Variants in CACNA2D3 observed in about 807,000 individuals in gnomAD.
The protein encoded by CACNA2D3 is calcium voltage-gated channel auxiliary subunit alpha2delta 3, also known as voltage-dependent calcium channel subunit alpha-2/delta-3.
CACNA2D3 carries 60 observed loss-of-function variants against 160.6 expected under a neutral mutation model. That is an observed-to-expected ratio of 0.37 (90% CI 0.30 to 0.46). The LOEUF (loss-of-function observed/expected upper bound fraction) is 0.46, where lower values mean the gene tolerates loss of function less well. CACNA2D3 is among the 20% of genes least tolerant of loss of function. The pLI is 1.00. For synonymous variants in CACNA2D3, 558 were observed against 492.9 expected (o/e 1.13, Z -1.75); for missense variants, 1,205 against 1,365.0 (o/e 0.88, Z 1.85).
At chr3:54,850,162 C>G (rs958271041) in intron 17 of CACNA2D3, among the ~76,000 whole-genome samples, 6 of 152,144 alleles carry the variant, frequency 3.9e-5, no homozygotes, top group African/African-American at 9.7e-5. Context: ...TTGTGACTTC[C>G]TGATAGATTA....
chr3:54,503,674 C>T lies in CACNA2D3; in HGVS notation c.544+20C>T, dbSNP rs367786226. On this transcript the variant is annotated intron_variant, in intron 5 of 37. Coordinates refer to ENST00000474759, the MANE Select transcript of CACNA2D3 (RefSeq NM_018398.3). ...ACAAAGGTAAGACTCCCAGCCACTG[C>T]TCCTTTTAGAAGGTGAAGAATCAGG... 3.4e-5 allele frequency: 55 copies of T among 1,609,460 alleles called. No individual in the cohort carries two copies. The East Asian group carries it at 8.7e-4, about 25-fold the overall frequency.
At chr3:54,736,118 T>G (rs1463260830) in intron 11 of CACNA2D3, among the ~76,000 whole-genome samples, 1 of 66,970 alleles carries the variant, frequency 1.5e-5, no homozygotes, top group Admixed American at 1.8e-4. Context: ...TGTATATATA[T>G]ACATATATAT....
At chr3:54,426,371 A>G (rs995000521) in intron 4 of CACNA2D3, among the ~76,000 whole-genome samples, 5 of 152,144 alleles carry the variant, frequency 3.3e-5, no homozygotes, top group African/African-American at 9.7e-5. Context: ...CACTTTAGAG[A>G]TGTGTCATAA....
chr3:54,143,067 T>A (rs537056582), intron 2 of CACNA2D3, among the ~76,000 whole-genome samples: 2 of 152,338 alleles, frequency 1.3e-5, no homozygotes, highest in East Asian at 3.9e-4. Flanking sequence ...GCTCCAGAAT[T>A]TGTTCCCATC....
At chr3:54,583,748 A>G (rs1702715956) in intron 9 of CACNA2D3, among the ~76,000 whole-genome samples, 1 of 152,144 alleles carries the variant, frequency 6.6e-6, no homozygotes, top group African/African-American at 2.4e-5. Flanking sequence ...AGTATGCCTA[A>G]TCTGTATAAG....
chr3:55,009,592 G>T, intron 34 of CACNA2D3, 149 bp downstream of exon 34: 1 of 700,394 alleles, frequency 1.4e-6, no homozygotes, highest in East Asian at 2.7e-5. Flanking sequence ...GCCAGCCTTT[G>T]TGCTAAGTGC....
At chr3:54,506,451 A>G (rs565351759) in intron 5 of CACNA2D3, among the ~76,000 whole-genome samples, 1 of 152,298 alleles carries the variant, frequency 6.6e-6, no homozygotes, top group South Asian at 2.1e-4. Context: ...TTTTAGTTCT[A>G]GATGAAACTA....
intron 2 of CACNA2D3, among the ~76,000 whole-genome samples, chr3:54,217,869 A>C (rs1701489809): frequency 7.2e-6 from 1 of 137,956 alleles, no homozygotes; most frequent in East Asian, 2.4e-4. Context: ...AGACAGAGAG[A>C]GACAGAGAGA....
chr3:54,921,594 T>G (rs1700852735), intron 27 of CACNA2D3, among the ~76,000 whole-genome samples: 1 of 152,180 alleles, frequency 6.6e-6, no homozygotes, highest in Non-Finnish European at 1.5e-5. Context: ...TGTGATTGAA[T>G]TCTGGACAAT....
rs146253243 is a variant in CACNA2D3, at chr3:54,235,070, A to T, written c.205-85372A>T. ...TGGTTTCTAATACCATTTCCCTATAAAAGGAACCAAGACTACTTGGAGAAA... is the reference window on the plus strand; with the variant it reads ...TGGTTTCTAATACCATTTCCCTATATAAGGAACCAAGACTACTTGGAGAAA... On this transcript the variant is annotated intron_variant, in intron 2 of 37. Transcript: ENST00000474759. 3.5e-3 allele frequency among the ~76,000 whole-genome samples: 527 copies of T among 152,252 alleles called. 2 individuals are homozygous for T. The highest frequency in any genetic ancestry group is 0.01 in the Middle Eastern group (3 of 294).
At chr3:55,002,436 C>T (rs919105035) in intron 31 of CACNA2D3, among the ~76,000 whole-genome samples, 3 of 152,186 alleles carry the variant, frequency 2.0e-5, no homozygotes, top group African/African-American at 4.8e-5. Flanking sequence ...GGTGGCCTGG[C>T]GGGCCAGTCA....
intron 2 of CACNA2D3, among the ~76,000 whole-genome samples, chr3:54,131,682 C>T (rs143432279): frequency 1.3e-5 from 2 of 152,228 alleles, no homozygotes; most frequent in East Asian, 3.9e-4. Flanking sequence ...AAAATTAAGG[C>T]AGTGTATGTT....
chr3:54,569,208 A>C (rs1026256685), intron 6 of CACNA2D3, among the ~76,000 whole-genome samples: 1 of 152,238 alleles, frequency 6.6e-6, no homozygotes, highest in South Asian at 2.1e-4. Context: ...CCCAGGCTTC[A>C]GGAGCTGAAA....
intron 13 of CACNA2D3, among the ~76,000 whole-genome samples, chr3:54,792,943 T>C (rs1371403560): frequency 1.3e-5 from 2 of 152,176 alleles, no homozygotes; most frequent in East Asian, 3.9e-4. Context: ...ACAGATTCAG[T>C]GCAGGCAAAA....
At chr3:54,777,425 C>T (rs1702445203) in intron 13 of CACNA2D3, among the ~76,000 whole-genome samples, 1 of 152,172 alleles carries the variant, frequency 6.6e-6, no homozygotes, top group Admixed American at 6.5e-5. Flanking sequence ...CTAAGTCTAT[C>T]TCTCAGTGCA....
intron 34 of CACNA2D3, among the ~76,000 whole-genome samples, chr3:55,015,156 A>G (rs1435535043): frequency 2.6e-5 from 4 of 152,324 alleles, no homozygotes; most frequent in South Asian, 4.1e-4. Flanking sequence ...GGCTTATTCA[A>G]ATCACGTGTG....
intron 9 of CACNA2D3, among the ~76,000 whole-genome samples, chr3:54,604,154 G>A (rs565184335): frequency 6.6e-6 from 1 of 152,080 alleles, no homozygotes; most frequent in South Asian, 2.1e-4. Flanking sequence ...TTTAACTTTT[G>A]CCCACATGTA....
In CACNA2D3 at chr3:54,670,239, T is replaced by A. The variant is rs140999249; in HGVS notation, c.1167+27998T>A. On this transcript the variant is annotated intron_variant, in intron 11 of 37. Transcript: ENST00000474759. ...CCACCCAAAAGGTGACTGCCACAGA[T>A]TGTGAAGTTGGCAGGATTTTCCAGG... 5.6e-3 allele frequency among the ~76,000 whole-genome samples: 854 copies of A among 152,244 alleles called. 16 individuals are homozygous for A. The highest frequency in any genetic ancestry group is 0.02 in the African/African-American group (815 of 41,540).
chr3:54,507,235 ACT>A (rs1267232900), intron 5 of CACNA2D3, among the ~76,000 whole-genome samples: 2 of 151,726 alleles, frequency 1.3e-5, no homozygotes, highest in Non-Finnish European at 2.9e-5. Flanking sequence ...AGTGTATTTC[ACT>A]GTTTTTATTC....
Sources: gnomAD v4.1 joint callset for allele counts (sites outside exome capture counted in the v4.1 genomes callset) on GRCh38, gnomAD v4.1.1 for gene constraint, MANE v1.5 for transcripts, NCBI Gene and HGNC (gene_info 2026-07-23, HGNC 2026-07-21) for gene names.